Variants in MTMR10 observed in about 807,000 individuals in gnomAD.
MTMR10 encodes myotubularin related protein 10.
A neutral mutation model predicts 88.1 loss-of-function variants in MTMR10; 56 were observed. The ratio of observed to expected loss-of-function variants is 0.64; its 90% CI spans 0.51 to 0.79. The LOEUF (loss-of-function observed/expected upper bound fraction) is 0.79, where lower values mean the gene tolerates loss of function less well. Ranked by LOEUF, MTMR10 falls within the 30% of genes least tolerant of loss-of-function variation. The pLI, the probability that MTMR10 is intolerant of heterozygous loss-of-function variation, is 0.00. For missense variants in MTMR10, 883 were observed against 924.7 expected (o/e 0.95, Z 0.58); for synonymous variants, 380 against 340.9 (o/e 1.11, Z -1.26).
chr15:30,982,294 G>A (rs1021952225), intron 2 of MTMR10, among the ~76,000 whole-genome samples: 6 of 152,164 alleles, frequency 3.9e-5, no homozygotes, highest in Non-Finnish European at 8.8e-5. Context: ...CTGCAGTTTA[G>A]CTAATAGTAT....
chr15:30,925,671 G>A, the MTMR10 span: 5 of 1,141,118 alleles, frequency 4.4e-6, no homozygotes, highest in East Asian at 9.4e-5. Flanking sequence ...CACGCTGTGT[G>A]CTCTACTAAG....
At chr15:30,964,811 T>C (rs1261131395) in intron 6 of MTMR10, among the ~76,000 whole-genome samples, 1 of 152,230 alleles carries the variant, frequency 6.6e-6, no homozygotes, top group Non-Finnish European at 1.5e-5. Flanking sequence ...TGACCTTGGC[T>C]ATCTTCTGTG....
intron 14 of MTMR10, 57 bp downstream of exon 14, chr15:30,947,073 G>T: frequency 6.6e-7 from 1 of 1,510,158 alleles, no homozygotes; most frequent in Non-Finnish European, 8.9e-7. Flanking sequence ...CTTCAATTAT[G>T]CCTCGATAAA....
At chr15:30,982,693 TTAAG>T (rs1000095669) in intron 2 of MTMR10, among the ~76,000 whole-genome samples, 7 of 152,304 alleles carry the variant, frequency 4.6e-5, no homozygotes, top group Admixed American at 2.0e-4. Context: ...ATTACAATAA[TTAAG>T]TGTCGAGTTA....
chr15:30,951,513 AT>A (rs34631331), intron 12 of MTMR10, among the ~76,000 whole-genome samples: 122,281 of 150,944 alleles, frequency 0.81, 49,718 homozygotes, highest in East Asian at 0.97. Flanking sequence ...GTTTTTATTT[AT>A]TTTTTTTTTG....
chr15:30,991,475 A>C lies in MTMR10; in HGVS notation c.32T>G (p.Phe11Cys). The C allele has an allele frequency of 6.6e-7, 1 of 1,515,314 alleles. No homozygotes were observed. The highest frequency in any genetic ancestry group is 1.3e-5 in the South Asian group (1 of 77,330). The allele number at this position is 1,515,314 out of a possible 1,614,324, so 93.9% of individuals were successfully genotyped here. A position where few individuals can be genotyped will look rare whatever the true frequency, so the allele number is the denominator to read the frequency against. Residue 11 changes from phenylalanine to cysteine, a missense_variant, in exon 1 of 16, where the codon TTC becomes TGC. Physicochemically the swap from Phe to Cys is radical, Grantham distance 205. Transcript: ENST00000435680. ...GGGCGGTGGCAGGAGGTAGGACCTG[A>C]AGGTGGGTTTGGGCGGCTTGAGGGA... MFSLKPPKPT[F>C]RSYLLPPPQT...
Position 30,943,303 on chromosome 15 carries a change from G to C in MTMR10, c.1549-231C>G, listed in dbSNP as rs2063112511. 11 of 985,342 alleles carry C rather than the reference G, an allele frequency of 1.1e-5. No individual in the cohort carries two copies. The South Asian group carries it at 4.2e-4, about 38-fold the overall frequency. The allele number at this position is 985,342 out of a possible 1,614,324, so 61.0% of individuals were successfully genotyped here. A position where few individuals can be genotyped will look rare whatever the true frequency, so the allele number is the denominator to read the frequency against. On this transcript the variant is annotated intron_variant, in intron 14 of 15. Transcript: ENST00000435680. ...TGCTTTTCAGGTGCCCTCTGCCTTAGGACCCCAAGGAAGCCGTGCCCTTTG... is the reference window on the plus strand; with the variant it reads ...TGCTTTTCAGGTGCCCTCTGCCTTACGACCCCAAGGAAGCCGTGCCCTTTG...
rs2140979279 is a variant in MTMR10, at chr15:30,939,688, G to A, written c.*1782C>T. 1 of 960,508 alleles carries A rather than the reference G, an allele frequency of 1.0e-6. No individual in the cohort carries two copies. The highest frequency in any genetic ancestry group is 1.2e-4 in the East Asian group (1 of 8,664). The allele number at this position is 960,508 out of a possible 1,614,324, so 59.5% of individuals were successfully genotyped here. Reference sequence around the variant, plus strand: ...AACGTGAAGGAAGAAAATTACAGAGGGAAAAATGCTCAATCCAAAACATTT... The same window carrying A: ...AACGTGAAGGAAGAAAATTACAGAGAGAAAAATGCTCAATCCAAAACATTT... On this transcript the variant is annotated 3_prime_UTR_variant, in exon 16 of 16. Transcript: ENST00000435680.
In MTMR10 at chr15:30,954,851, A is replaced by G; in HGVS notation, c.978T>C (p.Asp326=). ...TCTTATCCAAATCTGATTTGTAAAC[A>G]TCACTTCTCTGTGGGTGACTTTTAG... The part of the protein sequence containing the change: ...AITKSHPQRS[D]VYKSDLDKTL... The change falls in exon 10 of 16, where the codon GAT becomes GAC. Residue 326 remains aspartate (D), a synonymous_variant. Transcript: ENST00000435680. The G allele has an allele frequency of 6.3e-7, 1 of 1,575,142 alleles. No homozygotes were observed. Among genetic ancestry groups the G allele is most frequent in the Non-Finnish European group, 8.6e-7 (1 of 1,158,628 alleles).
At chr15:30,990,099 T>C (rs780200295) in intron 2 of MTMR10, among the ~76,000 whole-genome samples, 4 of 152,170 alleles carry the variant, frequency 2.6e-5, no homozygotes, top group Non-Finnish European at 5.9e-5. Flanking sequence ...AAAGCAGTGA[T>C]TCTCAACTGT....
intron 14 of MTMR10, among the ~76,000 whole-genome samples, chr15:30,944,747 A>G (rs1303893416): frequency 6.6e-6 from 1 of 152,040 alleles, no homozygotes; most frequent in Admixed American, 6.6e-5. Flanking sequence ...ACGGTGGCTC[A>G]CGCCTGTAAT....
In MTMR10 at chr15:30,970,066, C is replaced by T. The variant is rs547536012; in HGVS notation, c.475-2056G>A. ...TTTTGCTTTACTTCCAAGGTATTCA[C>T]ATAATAGTTATGATGTGGATGAAAA... On this transcript the variant is annotated intron_variant, in intron 5 of 15. Transcript: ENST00000435680. 3.3e-5 allele frequency among the ~76,000 whole-genome samples: 5 copies of T among 152,254 alleles called. No homozygotes were observed. In the South Asian group the frequency reaches 1.0e-3, roughly 32 times the overall value.
rs761390002 is a variant in MTMR10 at position 30,941,682 on chromosome 15, A to C, written c.2122T>G (p.Tyr708Asp). ...ATCCTGCTCTGGCCCAGCTCCCCATAGCAGGCCTCCAGGGGGCCACTGCGC... is the reference window on the plus strand; with the variant it reads ...ATCCTGCTCTGGCCCAGCTCCCCATCGCAGGCCTCCAGGGGGCCACTGCGC... ...QQRSGPLEAC[Y>D]GELGQSRMYF... Residue 708 changes from tyrosine to aspartate, a missense_variant, in exon 16 of 16, where the codon TAT becomes GAT. Physicochemically the swap from Tyr to Asp is radical, Grantham distance 160. Around this residue, in one of 3 missense-constraint regions of MTMR10, gnomAD observed 343 missense variants for 323.2 expected, o/e 1.06. Coordinates refer to ENST00000435680, the MANE Select transcript of MTMR10 (RefSeq NM_017762.3). 2 of 1,613,720 alleles carry C rather than the reference A, an allele frequency of 1.2e-6. No individual in the cohort carries two copies. The highest frequency in any genetic ancestry group is 1.1e-5 in the South Asian group (1 of 91,032).
At chr15:30,925,087 T>A in the MTMR10 span, 1 of 1,557,860 alleles carries the variant, frequency 6.4e-7, no homozygotes. Context: ...CCGCCATGGG[T>A]TTTTTTAGGA....
chr15:30,931,251 T>TCCACTAGCCCAGCCCTGCTGC, the MTMR10 span, among the ~76,000 whole-genome samples: 295 of 152,318 alleles, frequency 1.9e-3, no homozygotes, highest in African/African-American at 6.7e-3. Context: ...TTGAACGCTG[T>TCCACTAGCCCAGCCCTGCTGC]CCACTAGCCC....
chr15:30,990,651 C>T, intron 2 of MTMR10, 126 bp downstream of exon 2: 1 of 787,766 alleles, frequency 1.3e-6, no homozygotes, highest in Non-Finnish European at 2.0e-6. Flanking sequence ...CTCTCAGTCA[C>T]TAGACTTTTA....
chr15:30,981,497 A>T (rs2030567747), intron 2 of MTMR10, among the ~76,000 whole-genome samples: 1 of 152,258 alleles, frequency 6.6e-6, no homozygotes. Context: ...AATCAAAAGA[A>T]AACATCGGAC....
rs750611550 is a variant in MTMR10 at position 30,940,931 on chromosome 15, G to T, written c.*539C>A. The T allele has an allele frequency of 9.2e-7, 1 of 1,082,100 alleles. No homozygotes were observed. Among genetic ancestry groups the T allele is most frequent in the African/African-American group, 1.7e-5 (1 of 59,116 alleles). The allele number at this position is 1,082,100 out of a possible 1,614,324, so 67.0% of individuals were successfully genotyped here. Reference sequence around the variant, plus strand: ...CAAACTCATGATTTCAAAACACAGTGATCTAAGGTTCCAAAGAAGGTGATC... The same window carrying T: ...CAAACTCATGATTTCAAAACACAGTTATCTAAGGTTCCAAAGAAGGTGATC... On this transcript the variant is annotated 3_prime_UTR_variant, in exon 16 of 16. Transcript: ENST00000435680.
chr15:30,974,565 A>G, intron 4 of MTMR10, 109 bp from the exon 5 acceptor site: 1 of 1,064,668 alleles, frequency 9.4e-7, no homozygotes, highest in Non-Finnish European at 1.3e-6. Flanking sequence ...CCAACATTTG[A>G]GCTCTGCTTG....
Sources: gnomAD v4.1 joint callset for allele counts (sites outside exome capture counted in the v4.1 genomes callset) on GRCh38, gnomAD v4.1.1 for gene constraint, gnomAD v4.1.1 regional missense constraint, MANE v1.5 for transcripts, NCBI Gene and HGNC (gene_info 2026-07-23, HGNC 2026-07-21) for gene names.